The following ARHGEF37 variants were observed in gnomAD, a reference collection of about 807,000 sequenced individuals.
ARHGEF37 encodes the protein Rho guanine nucleotide exchange factor (GEF) 37.
Under a neutral mutation model 71.1 loss-of-function variants are expected in ARHGEF37, and 55 were observed. The observed-to-expected ratio is 0.77, with a 90% CI of 0.62 to 0.97. The LOEUF (loss-of-function observed/expected upper bound fraction) is 0.97. ARHGEF37 is among the 50% of genes least tolerant of loss of function. ARHGEF37 has a pLI of 0.00. For synonymous variants in ARHGEF37, 327 were observed against 350.6 expected (o/e 0.93, Z 0.75); for missense variants, 765 against 836.8 (o/e 0.91, Z 1.06).
At chr5:149,563,912 T>G (rs997201616) in intron 1 of ARHGEF37, among the ~76,000 whole-genome samples, 6 of 152,140 alleles carry the variant, frequency 3.9e-5, no homozygotes, top group Admixed American at 6.5e-5. Flanking sequence ...CTACACTGAT[T>G]GATTTTCCCA....
chr5:149,626,241 A>AACACACACACACACACACACACACAC (rs58263212), intron 10 of ARHGEF37, among the ~76,000 whole-genome samples: 1 of 133,636 alleles, frequency 7.5e-6, no homozygotes, highest in Non-Finnish European at 1.6e-5. Context: ...GAGCATGGTG[A>AACACACACACACACACACACACACAC]ACACACACAC....
rs1215879217 is a variant in ARHGEF37 at position 149,581,517 on chromosome 5, G to T, written c.-119G>T. On this transcript the variant is annotated 5_prime_UTR_variant, in exon 1 of 13. Coordinates refer to ENST00000333677, the MANE Select transcript of ARHGEF37 (RefSeq NM_001001669.3). ...CTCGGTGGGCACAGCCACCCGGAGCGGCGCGGGTGCCGGGAGCTGGGCGAC... is the reference window on the plus strand; with the variant it reads ...CTCGGTGGGCACAGCCACCCGGAGCTGCGCGGGTGCCGGGAGCTGGGCGAC... 4 of 152,028 alleles carry T rather than the reference G, an allele frequency of 2.6e-5. No individual in the cohort carries two copies. The highest frequency in any genetic ancestry group is 9.7e-5 in the African/African-American group (4 of 41,428). 9.4% of individuals were successfully genotyped at this position (152,028 alleles called of 1,614,324 possible). A position where few individuals can be genotyped will look rare whatever the true frequency, so the allele number is the denominator to read the frequency against.
chr5:149,563,229 T>C (rs147011219), intron 1 of ARHGEF37, among the ~76,000 whole-genome samples: 2 of 152,316 alleles, frequency 1.3e-5, no homozygotes, highest in African/African-American at 2.4e-5. Flanking sequence ...GCCTCTTCCC[T>C]GTCAGATTCT....
Position 149,569,867 on chromosome 5 carries a change from C to T in ARHGEF37, c.-12+17744C>T, listed in dbSNP as rs1271139863. Among the ~76,000 whole-genome samples the T allele has an allele frequency of 5.3e-5, 8 of 152,220 alleles. No homozygotes were observed. In the East Asian group the frequency reaches 1.2e-3, roughly 22 times the overall value. On this transcript the variant is annotated intron_variant, in intron 1 of 2. Transcript: ENST00000505810. ...AACTCCTGACCTCAGATGATGTGCC[C>T]GCCTCGACCTCCCAAAGTGCTGGGA...
chr5:149,607,937 T>G (rs1243296322), intron 3 of ARHGEF37, among the ~76,000 whole-genome samples: 1 of 151,796 alleles, frequency 6.6e-6, no homozygotes, highest in Non-Finnish European at 1.5e-5. Context: ...TGGCAAATTT[T>G]TTTTGTATTT....
At chr5:149,566,844 A>T (rs1431837576) in intron 1 of ARHGEF37, among the ~76,000 whole-genome samples, 4 of 152,172 alleles carry the variant, frequency 2.6e-5, no homozygotes, top group African/African-American at 9.7e-5. Flanking sequence ...ATATGTATAT[A>T]TGTGTGTACA....
chr5:149,590,169 C>A (rs999083856), intron 1 of ARHGEF37, among the ~76,000 whole-genome samples: 1 of 148,854 alleles, frequency 6.7e-6, no homozygotes, highest in East Asian at 2.0e-4. Flanking sequence ...CCAAATCCCT[C>A]TGTGCCAGTG....
chr5:149,593,187 A>G (rs1763458624), intron 1 of ARHGEF37, among the ~76,000 whole-genome samples: 1 of 152,264 alleles, frequency 6.6e-6, no homozygotes, highest in South Asian at 2.1e-4. Flanking sequence ...TTCATATCAT[A>G]TGGTTTGCCC....
chr5:149,621,828 G>A lies in ARHGEF37; in HGVS notation c.1101G>A (p.Lys367=). 6.2e-7 allele frequency: 1 copy of A among 1,614,260 alleles called. No homozygotes were observed. Residue 367 remains lysine, a synonymous_variant, in exon 9 of 13, where the codon AAG becomes AAA. Transcript: ENST00000333677. The stretch of plus-strand genomic sequence containing the variant: ...ACCTGATCAAGAAGCGTCTGGACAA[G>A]CTACTGGACTTTGAGCGGGTGGAAG... ...PQNLIKKRLD[K]LLDFERVEEK... is the part of the protein sequence containing the mutation.
chr5:149,599,279 AG>A (rs1359476254), intron 2 of ARHGEF37, among the ~76,000 whole-genome samples: 1 of 152,134 alleles, frequency 6.6e-6, no homozygotes, highest in Non-Finnish European at 1.5e-5. Context: ...CCCCGAAGAC[AG>A]GTGTCATGGA....
Position 149,617,797 on chromosome 5 carries a change from T to G in ARHGEF37, c.659-379T>G, listed in dbSNP as rs967521067. ...AGGACCGGGAAGCGTGGCTCCCAGC[T>G]GGCCTGGCTCAAAGTGGCTGAGGGA... On this transcript the variant is annotated intron_variant, in intron 5 of 12. Coordinates refer to ENST00000333677, the MANE Select transcript of ARHGEF37 (RefSeq NM_001001669.3). Among the ~76,000 whole-genome samples, 7 of 152,328 alleles carry G rather than the reference T, an allele frequency of 4.6e-5. No individual in the cohort carries two copies. The South Asian group carries it at 1.4e-3, about 32-fold the overall frequency.
chr5:149,601,404 A>T (rs1169010453), intron 3 of ARHGEF37, among the ~76,000 whole-genome samples, 173 bp downstream of exon 3: 1 of 152,144 alleles, frequency 6.6e-6, no homozygotes, highest in African/African-American at 2.4e-5. Context: ...TCAAATAACA[A>T]CTAGTCCAGT....
At chr5:149,607,541 C>T (rs1167760268) in intron 3 of ARHGEF37, among the ~76,000 whole-genome samples, 3 of 152,150 alleles carry the variant, frequency 2.0e-5, no homozygotes, top group Non-Finnish European at 4.4e-5. Context: ...GTGAAGAGAC[C>T]ACCAAACAGG....
At chr5:149,613,345 T>C (rs1752255311) in intron 4 of ARHGEF37, among the ~76,000 whole-genome samples, 1 of 126,552 alleles carries the variant, frequency 7.9e-6, no homozygotes, top group Non-Finnish European at 1.7e-5. Context: ...GTTAGATAGA[T>C]AGAATTTTTT....
At chr5:149,625,620 A>C (rs1290322124) in intron 10 of ARHGEF37, among the ~76,000 whole-genome samples, 3 of 152,196 alleles carry the variant, frequency 2.0e-5, no homozygotes, top group Admixed American at 6.5e-5. Flanking sequence ...CTTACTCTAC[A>C]TGGAGAGTTT....
chr5:149,566,980 T>C (rs765143833), intron 1 of ARHGEF37, among the ~76,000 whole-genome samples: 48 of 152,362 alleles, frequency 3.2e-4, no homozygotes, highest in Admixed American at 1.6e-3. Context: ...GAATTTAATG[T>C]TGATACAATA....
At chr5:149,601,077 C>G in intron 2 of ARHGEF37, 31 bp from the exon 3 acceptor site, 5 of 1,598,600 alleles carry the variant, frequency 3.1e-6, no homozygotes, top group Non-Finnish European at 4.3e-6. Context: ...GAACTCCCAA[C>G]CACCTCTCAT....
chr5:149,593,754 C>T (rs1224734154), intron 1 of ARHGEF37, among the ~76,000 whole-genome samples: 1 of 152,002 alleles, frequency 6.6e-6, no homozygotes, highest in Non-Finnish European at 1.5e-5. Flanking sequence ...GTTTACTATT[C>T]GCTAAGTGGA....
At chr5:149,572,642 T>G (rs1762981399) in intron 1 of ARHGEF37, among the ~76,000 whole-genome samples, 1 of 152,196 alleles carries the variant, frequency 6.6e-6, no homozygotes, top group Non-Finnish European at 1.5e-5. Flanking sequence ...TGTGAAAGTG[T>G]TTTTGGATGA....
Sources: gnomAD v4.1 joint callset for allele counts (sites outside exome capture counted in the v4.1 genomes callset) on GRCh38, gnomAD v4.1.1 for gene constraint, MANE v1.5 for transcripts, NCBI Gene and HGNC (gene_info 2026-07-23, HGNC 2026-07-21) for gene names.